VTCN1: variants seen among roughly 807,000 people sequenced by gnomAD.
VTCN1 encodes the protein V-set domain containing T cell activation inhibitor 1.
VTCN1 carries 26 observed loss-of-function variants against 26.5 expected under a neutral mutation model. That is an observed-to-expected ratio of 0.98 (90% confidence interval 0.72 to 1.36). The LOEUF is 1.36. Ranked by LOEUF, VTCN1 falls within the 40% of genes most tolerant of loss-of-function variation. The pLI is 0.00. For missense variants in VTCN1, 298 were observed against 337.7 expected, an observed-to-expected ratio of 0.88 and a Z score of 0.92; for synonymous variants, 116 against 130.7, an observed-to-expected ratio of 0.89 and a Z score of 0.77.
intron 3 of VTCN1, among the ~76,000 whole-genome samples, chr1:117,154,573 C>T (rs1233229380): frequency 6.6e-6 from 1 of 151,988 alleles, no homozygotes; most frequent in Non-Finnish European, 1.5e-5. Flanking sequence ...CACCTGAGGT[C>T]GGGAGCTTGA....
intron 1 of VTCN1, among the ~76,000 whole-genome samples, chr1:117,198,304 C>A (rs564675478): frequency 2.6e-5 from 4 of 152,168 alleles, no homozygotes; most frequent in African/African-American, 9.7e-5. Flanking sequence ...GAATGACAGA[C>A]AGCCCTATTA....
chr1:117,173,690 T>G (rs559095671), intron 1 of VTCN1, among the ~76,000 whole-genome samples: 9 of 152,354 alleles, frequency 5.9e-5, no homozygotes, highest in African/African-American at 2.2e-4. Flanking sequence ...AAAGGGCTAT[T>G]CATACACTAC....
intron 1 of VTCN1, chr1:117,173,389 C>CACACAA (rs3220602): frequency 8.4e-6 from 4 of 476,156 alleles, no homozygotes; most frequent in Middle Eastern, 3.5e-4. Context: ...CACACACACA[C>CACACAA]AACACCATGT....
At chr1:117,154,940 C>T (rs1419229663) in intron 3 of VTCN1, among the ~76,000 whole-genome samples, 1 of 152,174 alleles carries the variant, frequency 6.6e-6, no homozygotes, top group African/African-American at 2.4e-5. Context: ...TTCCAGAACA[C>T]CACCATGCTT....
chr1:117,206,864 C>T (rs964511634), intron 1 of VTCN1, among the ~76,000 whole-genome samples: 1 of 152,128 alleles, frequency 6.6e-6, no homozygotes, highest in African/African-American at 2.4e-5. Context: ...ACAGGTGCCA[C>T]CTATTTAAGT....
In VTCN1 at chr1:117,146,691, T is replaced by A. The variant is rs1651526152; in HGVS notation, c.*45+922A>T. ...AGGTAGTGGTAGGCAGCAGTAGTGG[T>A]AGGTAGTAATGGTGGGTAGGTATGC... On this transcript the variant is annotated intron_variant, in intron 5 of 5. Transcript: ENST00000369458. The surrounding 1 kb of genome is among the most constrained non-coding windows in gnomAD (Gnocchi z 4.2). Among the ~76,000 whole-genome samples, 1 of 151,996 alleles carries A rather than the reference T, an allele frequency of 6.6e-6. No homozygotes were observed. Among genetic ancestry groups the A allele is most frequent in the African/African-American group, 2.4e-5 (1 of 41,378 alleles).
At chr1:117,148,979 G>C (rs2101429636) in intron 4 of VTCN1, among the ~76,000 whole-genome samples, 1 of 152,218 alleles carries the variant, frequency 6.6e-6, no homozygotes, top group East Asian at 1.9e-4. Flanking sequence ...AAAAGAAAAA[G>C]GAGGAGCTGA....
At position 117,164,658 on chromosome 1, in the gene VTCN1, T is replaced by A. The variant is rs528189820; in HGVS notation, c.97+5449A>T. Among the ~76,000 whole-genome samples the A allele has an allele frequency of 2.0e-5, 3 of 152,350 alleles. No homozygotes were observed. In the South Asian group the frequency reaches 6.2e-4, roughly 32 times the overall value. On this transcript the variant is annotated intron_variant, in intron 2 of 5. Transcript: ENST00000369458. ...TTTTACCAATGAGGAAACATTTAAG[T>A]TGTATCCCAAAGGATATACAGTTAG...
At chr1:117,170,410 C>T in intron 1 of VTCN1, 1 of 587,512 alleles carries the variant, frequency 1.7e-6, no homozygotes, top group Non-Finnish European at 3.2e-6. Flanking sequence ...TCTGACTGTG[C>T]CATTTACTGT....
Position 117,181,915 on chromosome 1 carries a change from G to A in VTCN1, c.33-11744C>T, listed in dbSNP as rs147770337. 1.1e-4 allele frequency among the ~76,000 whole-genome samples: 16 copies of A among 152,244 alleles called. No homozygotes were observed. In the East Asian group the frequency reaches 1.7e-3, roughly 17 times the overall value. On this transcript the variant is annotated intron_variant, in intron 1 of 5. Transcript: ENST00000369458. Reference sequence around the variant, plus strand: ...AGATGGATGGCCTGACAGGGAGAGTGAGCTGTAATCTAGATTACCTTTGCA... The same window carrying A: ...AGATGGATGGCCTGACAGGGAGAGTAAGCTGTAATCTAGATTACCTTTGCA...
chr1:117,191,456 C>A (rs1194548408), intron 1 of VTCN1, among the ~76,000 whole-genome samples: 1 of 152,148 alleles, frequency 6.6e-6, no homozygotes, highest in Admixed American at 6.6e-5. Context: ...GAGTTTGAGA[C>A]CAGCCTGGGC....
chr1:117,170,075 A>G (rs1652823310), intron 2 of VTCN1, 32 bp downstream of exon 2: 1 of 1,595,438 alleles, frequency 6.3e-7, no homozygotes, highest in Non-Finnish European at 8.6e-7. Flanking sequence ...GTGAGGGGTG[A>G]ATAGATTGTA....
At chr1:117,160,267 A>C (rs532583418) in intron 2 of VTCN1, among the ~76,000 whole-genome samples, 5 of 152,146 alleles carry the variant, frequency 3.3e-5, no homozygotes, top group Non-Finnish European at 5.9e-5. Context: ...ACATCCTTTA[A>C]ACAACACCTG....
chr1:117,168,061 T>C lies in VTCN1; in HGVS notation c.97+2046A>G, dbSNP rs55788392. Reference sequence around the variant, plus strand: ...AATAAATTAACATAGGAAATCAATATTAGAACGAAACAGGCTAGTGAATTC... The same window carrying C: ...AATAAATTAACATAGGAAATCAATACTAGAACGAAACAGGCTAGTGAATTC... On this transcript the variant is annotated intron_variant, in intron 2 of 5. Coordinates refer to ENST00000369458, the MANE Select transcript of VTCN1 (RefSeq NM_024626.4). 5.2e-3 allele frequency among the ~76,000 whole-genome samples: 785 copies of C among 152,004 alleles called. 16 individuals are homozygous for C. Among genetic ancestry groups the C allele is most frequent in the African/African-American group, 0.017 (711 of 41,460 alleles).
At chr1:117,168,591 A>G (rs1652732406) in intron 2 of VTCN1, among the ~76,000 whole-genome samples, 1 of 152,224 alleles carries the variant, frequency 6.6e-6, no homozygotes, top group Admixed American at 6.5e-5. Context: ...CTCATTGAAA[A>G]ACATCATTAA....
intron 4 of VTCN1, among the ~76,000 whole-genome samples, chr1:117,152,624 A>C (rs1651856958): frequency 6.6e-6 from 1 of 152,168 alleles, no homozygotes; most frequent in Non-Finnish European, 1.5e-5. Flanking sequence ...GGGATGAATA[A>C]AACTAAGTCA....
chr1:117,180,272 C>G (rs549155902), intron 1 of VTCN1, among the ~76,000 whole-genome samples: 1 of 152,234 alleles, frequency 6.6e-6, no homozygotes, highest in African/African-American at 2.4e-5. Context: ...TATTCTTAAG[C>G]CTGTCCTATT....
At chr1:117,191,570 G>A (rs1055505305) in intron 1 of VTCN1, among the ~76,000 whole-genome samples, 7 of 152,134 alleles carry the variant, frequency 4.6e-5, no homozygotes, top group Non-Finnish European at 8.8e-5. Context: ...ATCACCTGAG[G>A]TCGGGAGTTT....
Position 117,208,636 on chromosome 1 carries a change from T to C in VTCN1, c.32+2188A>G, listed in dbSNP as rs1649212884. On this transcript the variant is annotated intron_variant, in intron 1 of 5. Transcript: ENST00000369458. ...CTACCCCTGTCCTCCTAGCAAGCAT[T>C]CTGCAAATGTTTCATGAGCGAATGC... is the stretch of plus-strand genomic sequence containing the variant. Among the ~76,000 whole-genome samples the C allele has an allele frequency of 1.3e-5, 2 of 152,148 alleles. 1 individual carries two copies. Among genetic ancestry groups the C allele is most frequent in the South Asian group, 4.1e-4 (2 of 4,828 alleles).
Sources: allele counts gnomAD v4.1 joint callset (sites outside exome capture counted in the v4.1 genomes callset), GRCh38; gene constraint gnomAD v4.1.1; non-coding constraint Gnocchi (gnomAD v3.1); transcripts MANE v1.5; gene names NCBI Gene and HGNC (gene_info 2026-07-23, HGNC 2026-07-21).